The following CTNNAL1 variants were observed in gnomAD, a reference collection of about 807,000 sequenced individuals.
CTNNAL1 encodes the protein catenin alpha like 1.
In CTNNAL1, 69 loss-of-function variants were observed where a neutral mutation model predicts 93.6. The observed-to-expected ratio is 0.74, with a 90% CI of 0.61 to 0.90. The LOEUF (loss-of-function observed/expected upper bound fraction) is 0.90, where lower values mean the gene tolerates loss of function less well. Ranked by LOEUF, CTNNAL1 falls within the 40% of genes least tolerant of loss-of-function variation. CTNNAL1 has a pLI of 0.00. For missense variants in CTNNAL1, 836 were observed against 862.0 expected (o/e 0.97, Z 0.38); for synonymous variants, 286 against 305.4 (o/e 0.94, Z 0.66).
intron 1 of CTNNAL1, among the ~76,000 whole-genome samples, chr9:109,001,321 C>T (rs905231519): frequency 7.9e-5 from 12 of 151,956 alleles, no homozygotes; most frequent in African/African-American, 1.2e-4. Context: ...ATATAATCTC[C>T]GCAGTGGTTT....
intron 14 of CTNNAL1, 108 bp downstream of exon 14, chr9:108,952,101 A>C: frequency 2.2e-6 from 2 of 910,328 alleles, no homozygotes; most frequent in Non-Finnish European, 3.2e-6. Context: ...TCTTTTTACC[A>C]TATATTTGAT....
At chr9:108,943,884 T>C (rs1351408839) in intron 16 of CTNNAL1, 68 bp from the exon 17 acceptor site, 43 of 1,599,612 alleles carry the variant, frequency 2.7e-5, no homozygotes, top group Non-Finnish European at 3.7e-5. Context: ...TTAAACACAT[T>C]TATACATTGA....
chr9:108,953,111 T>C (rs1830607143), intron 12 of CTNNAL1, among the ~76,000 whole-genome samples: 1 of 152,176 alleles, frequency 6.6e-6, no homozygotes, highest in African/African-American at 2.4e-5. Flanking sequence ...AATGGTTCCC[T>C]ATTTTTGAAA....
At chr9:108,972,864 G>GGGGCGCCCCCCC in intron 8 of CTNNAL1, 31 bp from the exon 9 acceptor site, 7 of 142,500 alleles carry the variant, frequency 4.9e-5, no homozygotes, top group Non-Finnish European at 7.0e-5. Flanking sequence ...GGGGGGGTGG[G>GGGGCGCCCCCCC]AGGGTGGAGA....
chr9:108,971,405 G>T (rs28361145), intron 9 of CTNNAL1, among the ~76,000 whole-genome samples: 1 of 152,126 alleles, frequency 6.6e-6, no homozygotes, highest in Non-Finnish European at 1.5e-5. Context: ...TTGTTGATAT[G>T]GTTTGGCTGT....
At position 109,013,492 on chromosome 9, in the gene CTNNAL1, C is replaced by T. The variant is rs1256221914; in HGVS notation, c.-50G>A. 1.8e-5 allele frequency: 24 copies of T among 1,312,270 alleles called. No homozygotes were observed. Among genetic ancestry groups the T allele is most frequent in the East Asian group, 1.3e-4 (4 of 31,694 alleles). The allele number at this position is 1,312,270 out of a possible 1,614,324, so 81.3% of individuals were successfully genotyped here. On this transcript the variant is annotated 5_prime_UTR_variant, in exon 1 of 19. Coordinates refer to ENST00000325551, the MANE Select transcript of CTNNAL1 (RefSeq NM_003798.4). ...GGACTCCGCGCCGCGGCGAGCCTGC[C>T]GCCAGTCAGCCCACCCGCCCGAGGC...
chr9:108,945,488 G>A (rs186488305), intron 15 of CTNNAL1, among the ~76,000 whole-genome samples: 1 of 147,832 alleles, frequency 6.8e-6, no homozygotes, highest in South Asian at 2.1e-4. Flanking sequence ...TTGAGACAGG[G>A]TCTCACTCTG....
At position 108,942,745 on chromosome 9, in the gene CTNNAL1, C is replaced by T. The variant is rs375281471; in HGVS notation, c.*24G>A. 1.0e-5 allele frequency: 15 copies of T among 1,439,470 alleles called. No homozygotes were observed. In the African/African-American group the frequency reaches 1.8e-4, roughly 18 times the overall value. 89.2% of individuals were successfully genotyped at this position (1,439,470 alleles called of 1,614,324 possible). A position where few individuals can be genotyped will look rare whatever the true frequency, so the allele number is the denominator to read the frequency against. ...ATGTCAGCTTCATCACATGATGTTC[C>T]AGAGATCTGACCCCAAAAGCTTCTC... is the stretch of plus-strand genomic sequence containing the variant. On this transcript the variant is annotated 3_prime_UTR_variant, in exon 19 of 19. Coordinates refer to ENST00000325551, the MANE Select transcript of CTNNAL1 (RefSeq NM_003798.4).
Position 108,942,945 on chromosome 9 carries a change from A to C in CTNNAL1, c.2139+16T>G. On this transcript the variant is annotated intron_variant, in intron 18 of 18. Transcript: ENST00000325551. ...ATTTTTTAAAGTATGAGTCTAAAATAGAAAAACTACCTCACCTTCTTCAGC... is the reference window on the plus strand; with the variant it reads ...ATTTTTTAAAGTATGAGTCTAAAATCGAAAAACTACCTCACCTTCTTCAGC... The C allele has an allele frequency of 6.2e-7, 1 of 1,610,644 alleles. No individual in the cohort carries two copies. Among genetic ancestry groups the C allele is most frequent in the South Asian group, 1.1e-5 (1 of 90,038 alleles).
intron 12 of CTNNAL1, 65 bp from the exon 13 acceptor site, chr9:108,952,559 T>C: frequency 6.3e-7 from 1 of 1,584,798 alleles, no homozygotes; most frequent in Non-Finnish European, 8.6e-7. Flanking sequence ...GGAAATACAA[T>C]AGTAATACAA....
chr9:109,009,750 A>G (rs1245061687), intron 1 of CTNNAL1, among the ~76,000 whole-genome samples: 1 of 152,232 alleles, frequency 6.6e-6, no homozygotes, highest in African/African-American at 2.4e-5. Context: ...TTTCATGGAA[A>G]TTGCATTAAA....
chr9:108,994,942 AC>A, intron 2 of CTNNAL1, among the ~76,000 whole-genome samples: 1 of 152,274 alleles, frequency 6.6e-6, no homozygotes, highest in Admixed American at 6.5e-5. Flanking sequence ...CCTGCCAACA[AC>A]CATGAGAGGG....
In CTNNAL1 at chr9:108,946,904, C is replaced by T. The variant is rs114327325; in HGVS notation, c.1884+1282G>A. Among the ~76,000 whole-genome samples, 411 of 151,982 alleles carry T rather than the reference C, an allele frequency of 2.7e-3. 3 individuals carry two copies. The highest frequency in any genetic ancestry group is 9.4e-3 in the African/African-American group (388 of 41,444). ...CTACAGGGCGGTATGACAGAATGGA[C>T]TTGGGCCAAACTGAAAAAAAAAATA... On this transcript the variant is annotated intron_variant, in intron 15 of 18. Coordinates refer to ENST00000325551, the MANE Select transcript of CTNNAL1 (RefSeq NM_003798.4).
chr9:108,992,934 T>C (rs1831869519), intron 2 of CTNNAL1, 115 bp from the exon 3 acceptor site: 2 of 1,149,506 alleles, frequency 1.7e-6, no homozygotes, highest in Non-Finnish European at 2.4e-6. Flanking sequence ...GGAGTCTTAC[T>C]TCAGGAACAA....
At position 108,977,048 on chromosome 9, in the gene CTNNAL1, G is replaced by C; in HGVS notation, c.1102C>G (p.Gln368Glu). The change falls in exon 8 of 19, where the codon CAA becomes GAA. Residue 368 changes from glutamine to glutamate, a missense_variant and splice_region_variant. Gln to Glu is a conservative substitution (Grantham distance 29, BLOSUM62 2). Coordinates refer to ENST00000325551, the MANE Select transcript of CTNNAL1 (RefSeq NM_003798.4). ...QQLISVWIQAQSKKTKSIAEE... is the reference protein window; with the variant it reads ...QQLISVWIQAESKKTKSIAEE... ...GCGATGCTTTTTGTTTTCTTGCTTT[G>C]CTAAAAATTTTAAAAAGTATACATG... 6.7e-7 allele frequency: 1 copy of C among 1,494,812 alleles called. No homozygotes were observed. Among genetic ancestry groups the C allele is most frequent in the Admixed American group, 2.4e-5 (1 of 42,444 alleles). 92.6% of individuals were successfully genotyped at this position (1,494,812 alleles called of 1,614,324 possible). A position where few individuals can be genotyped will look rare whatever the true frequency, so the allele number is the denominator to read the frequency against.
At chr9:108,954,346 G>A (rs754360435) in intron 12 of CTNNAL1, among the ~76,000 whole-genome samples, 2 of 152,054 alleles carry the variant, frequency 1.3e-5, no homozygotes, top group Non-Finnish European at 2.9e-5. Flanking sequence ...CTAAGAAAAT[G>A]GTTCATGACT....
intron 4 of CTNNAL1, among the ~76,000 whole-genome samples, chr9:108,986,288 T>C (rs1409070192): frequency 6.6e-6 from 1 of 151,370 alleles, no homozygotes; most frequent in Admixed American, 6.6e-5. Context: ...TTTGGTTTTT[T>C]GTCCTTGCGA....
chr9:108,951,515 A>C (rs1400131325), intron 14 of CTNNAL1, among the ~76,000 whole-genome samples: 1 of 152,230 alleles, frequency 6.6e-6, no homozygotes, highest in African/African-American at 2.4e-5. Context: ...AAAATGAAAA[A>C]GATAGATTTC....
At position 108,970,213 on chromosome 9, in the gene CTNNAL1, C is replaced by T. The variant is rs1465929266; in HGVS notation, c.1440+189G>A. Among the ~76,000 whole-genome samples, 3 of 152,220 alleles carry T rather than the reference C, an allele frequency of 2.0e-5. No individual in the cohort carries two copies. The East Asian group carries it at 5.8e-4, about 29-fold the overall frequency. Reference sequence around the variant, plus strand: ...TTAAATGAACCAGTCTCCAATTTGGCAGATGACCAGCTCCAATGGAAGGTT... The same window carrying T: ...TTAAATGAACCAGTCTCCAATTTGGTAGATGACCAGCTCCAATGGAAGGTT... On this transcript the variant is annotated intron_variant, in intron 10 of 18. Transcript: ENST00000325551.
Sources: gnomAD v4.1 joint callset for allele counts (sites outside exome capture counted in the v4.1 genomes callset) on GRCh38, gnomAD v4.1.1 for gene constraint, MANE v1.5 for transcripts, NCBI Gene and HGNC (gene_info 2026-07-23, HGNC 2026-07-21) for gene names.